Variants in MECR observed in about 807,000 individuals in gnomAD.
MECR encodes enoyl-[acyl-carrier-protein] reductase, mitochondrial.
In MECR, 37 loss-of-function variants were observed where a neutral mutation model predicts 49.1. The observed-to-expected ratio is 0.75, with a 90% CI of 0.58 to 0.99. The LOEUF (loss-of-function observed/expected upper bound fraction) is 0.99. Among genes scored for constraint, MECR ranks in the 50% least tolerant of loss-of-function variants. The pLI is 0.00. For synonymous variants in MECR, 198 were observed against 191.1 expected, an observed-to-expected ratio of 1.04 and a Z score of -0.30; for missense variants, 470 against 479.6, an observed-to-expected ratio of 0.98 and a Z score of 0.19.
chr1:29,199,522 C>T (rs979288584), intron 7 of MECR, among the ~76,000 whole-genome samples: 1 of 152,132 alleles, frequency 6.6e-6, no homozygotes, highest in African/African-American at 2.4e-5. Flanking sequence ...CCACTGCGCC[C>T]GGCCTAGAAG....
the MECR span, among the ~76,000 whole-genome samples, chr1:29,175,405 A>G: frequency 6.6e-6 from 1 of 151,312 alleles, no homozygotes; most frequent in Non-Finnish European, 1.5e-5. Context: ...CATCTCAAAA[A>G]AAATTTCCGG....
At chr1:29,210,862 TAA>T (rs1203437052) in intron 3 of MECR, among the ~76,000 whole-genome samples, 2 of 152,174 alleles carry the variant, frequency 1.3e-5, no homozygotes, top group African/African-American at 4.8e-5. Flanking sequence ...AAGATTAAAC[TAA>T]AGACATTTGT....
At position 29,193,874 on chromosome 1, in the gene MECR, A is replaced by G; in HGVS notation, c.*148T>C. On this transcript the variant is annotated 3_prime_UTR_variant, in exon 10 of 10. Transcript: ENST00000263702. ...TACCTTAAGGCTGGCCCTGGGGAAA[A>G]CCGTGGCTGGCTTCACCATCCTCCT... 1.1e-6 allele frequency: 1 copy of G among 940,722 alleles called. No homozygotes were observed. Among genetic ancestry groups the G allele is most frequent in the Non-Finnish European group, 1.6e-6 (1 of 632,384 alleles). 58.3% of individuals were successfully genotyped at this position (940,722 alleles called of 1,614,324 possible).
chr1:29,173,446 A>C, the MECR span: 5 of 144,352 alleles, frequency 3.5e-5, no homozygotes, highest in African/African-American at 1.3e-4. Flanking sequence ...GCCTGGCCTA[A>C]AAAGTTGTTT....
intron 1 of MECR, chr1:29,220,940 T>C: frequency 1.0e-6 from 1 of 984,872 alleles, no homozygotes; most frequent in Non-Finnish European, 1.2e-6. Flanking sequence ...AATCACTGAG[T>C]CACTGAAAGG....
chr1:29,191,635 G>A (rs1353683581), downstream of MECR, among the ~76,000 whole-genome samples: 1 of 152,214 alleles, frequency 6.6e-6, no homozygotes, highest in Non-Finnish European at 1.5e-5. Flanking sequence ...CCAGGAAAGA[G>A]TTGGGGCTGA....
In MECR at chr1:29,215,892, A is replaced by T. The variant is rs113152655; in HGVS notation, c.406+113T>A. 611 of 1,282,982 alleles carry T rather than the reference A, an allele frequency of 4.8e-4. 3 individuals carry two copies. The highest frequency in any genetic ancestry group is 3.1e-3 in the East Asian group (124 of 40,456). The allele number at this position is 1,282,982 out of a possible 1,614,324, so 79.5% of individuals were successfully genotyped here. ...GTCTCAAAATAAATAAATAAATAAA[A>T]AAAATAAACCCTGCATTACCCAGGT... On this transcript the variant is annotated intron_variant, in intron 3 of 9. Transcript: ENST00000263702.
intron 1 of MECR, among the ~76,000 whole-genome samples, chr1:29,227,967 C>T (rs548784131): frequency 5.9e-5 from 9 of 152,262 alleles, no homozygotes; most frequent in Non-Finnish European, 8.8e-5. Flanking sequence ...CAAGCCTGGC[C>T]TGGGCAGCAG....
intron 1 of MECR, among the ~76,000 whole-genome samples, chr1:29,230,199 C>CT (rs1156735314): frequency 1.3e-5 from 2 of 152,218 alleles, no homozygotes; most frequent in East Asian, 3.9e-4. Flanking sequence ...CCCTTGCCCT[C>CT]TGGAAACAAT....
At position 29,201,750 on chromosome 1, in the gene MECR, C is replaced by A. The variant is rs1017049489; in HGVS notation, c.756+193G>T. ...CCTAAACTCTGTTTCTCATGCCTCCCTCCCAGCATCTGGGCACTTAATGCG... is the reference window on the plus strand; with the variant it reads ...CCTAAACTCTGTTTCTCATGCCTCCATCCCAGCATCTGGGCACTTAATGCG... On this transcript the variant is annotated intron_variant, in intron 6 of 9. Transcript: ENST00000263702. The surrounding 1 kb of genome is among the most constrained non-coding windows in gnomAD (Gnocchi z 4.3). Among the ~76,000 whole-genome samples the A allele has an allele frequency of 6.6e-6, 1 of 152,222 alleles. No individual in the cohort carries two copies. The highest frequency in any genetic ancestry group is 2.4e-5 in the African/African-American group (1 of 41,466).
chr1:29,177,283 G>GTTT, the MECR span, among the ~76,000 whole-genome samples: 63 of 137,852 alleles, frequency 4.6e-4, no homozygotes, highest in African/African-American at 6.5e-4. Context: ...AACTCTTTTT[G>GTTT]TTTTTTTTTT....
chr1:29,209,344 A>G (rs1220092243), intron 3 of MECR, among the ~76,000 whole-genome samples: 1 of 152,214 alleles, frequency 6.6e-6, no homozygotes, highest in Non-Finnish European at 1.5e-5. Flanking sequence ...TGAGAACATG[A>G]CCTCAGCACT....
At chr1:29,185,760 C>T in the MECR span, among the ~76,000 whole-genome samples, 3 of 152,162 alleles carry the variant, frequency 2.0e-5, no homozygotes, top group Non-Finnish European at 4.4e-5. Flanking sequence ...AGGAACATAA[C>T]ATTCTTAAGA....
chr1:29,225,874 G>C (rs1484565871), intron 1 of MECR, among the ~76,000 whole-genome samples: 1 of 152,120 alleles, frequency 6.6e-6, no homozygotes, highest in Non-Finnish European at 1.5e-5. Context: ...TCTGGCTTAA[G>C]ACAGAATGGG....
the MECR span, among the ~76,000 whole-genome samples, chr1:29,176,863 G>A: frequency 1.1e-4 from 16 of 152,308 alleles, no homozygotes; most frequent in African/African-American, 2.9e-4. Flanking sequence ...ACTGTTCCAT[G>A]AAACGCAGGT....
chr1:29,214,611 T>C (rs889971265), intron 3 of MECR, among the ~76,000 whole-genome samples: 1 of 150,378 alleles, frequency 6.6e-6, no homozygotes, highest in East Asian at 2.0e-4. Context: ...ATCCACCACC[T>C]CGGCCTCCCA....
Position 29,201,320 on chromosome 1 carries a change from C to T in MECR, c.756+623G>A, listed in dbSNP as rs1675263953. On this transcript the variant is annotated intron_variant, in intron 6 of 9. Coordinates refer to ENST00000263702, the MANE Select transcript of MECR (RefSeq NM_016011.5). This position sits in a 1 kb window ranked among gnomAD's most constrained non-coding sequence, Gnocchi z 4.3. ...GAAGCGCATGCTCTTGAGTGTGTGT[C>T]TTTGGTTCCTCCAGATGGTTCAGTG... 1 of 513,546 alleles carries T rather than the reference C, an allele frequency of 1.9e-6. No homozygotes were observed. Among genetic ancestry groups the T allele is most frequent in the Non-Finnish European group, 3.9e-6 (1 of 253,516 alleles). 31.8% of individuals were successfully genotyped at this position (513,546 alleles called of 1,614,324 possible).
chr1:29,199,448 C>T (rs1349449633), intron 7 of MECR, among the ~76,000 whole-genome samples: 2 of 151,394 alleles, frequency 1.3e-5, no homozygotes, highest in African/African-American at 4.8e-5. Context: ...AGGATGGTCT[C>T]GATCTCCTGA....
chr1:29,181,858 C>G, the MECR span: 1 of 925,838 alleles, frequency 1.1e-6, no homozygotes, highest in Non-Finnish European at 1.5e-6. Flanking sequence ...GGGCGGGCGG[C>G]GGGACGGACG....
Sources: gnomAD v4.1 joint callset for allele counts (sites outside exome capture counted in the v4.1 genomes callset) on GRCh38, gnomAD v4.1.1 for gene constraint, Gnocchi (gnomAD v3.1) non-coding constraint, MANE v1.5 for transcripts, NCBI Gene and HGNC (gene_info 2026-07-23, HGNC 2026-07-21) for gene names.